The following DNAH3 variants were observed in gnomAD, a reference collection of about 807,000 sequenced individuals.
DNAH3 encodes dynein axonemal heavy chain 3.
A neutral mutation model predicts 432.5 loss-of-function variants in DNAH3; 332 were observed. The ratio of observed to expected loss-of-function variants is 0.77; its 90% CI spans 0.70 to 0.84. The LOEUF (loss-of-function observed/expected upper bound fraction) is 0.84. DNAH3 is among the 40% of genes least tolerant of loss of function. DNAH3 has a pLI of 0.00. For synonymous variants in DNAH3, 1,956 were observed against 1,900.2 expected (o/e 1.03, Z -0.76); for missense variants, 4,861 against 5,114.0 (o/e 0.95, Z 1.51).
chr16:20,975,023 G>T (rs2085521988), intron 51 of DNAH3, among the ~76,000 whole-genome samples: 1 of 136,804 alleles, frequency 7.3e-6, no homozygotes, highest in African/African-American at 2.8e-5. Context: ...TAGAGATGAG[G>T]TTTCTTTATG....
chr16:21,029,686 C>T (rs768514458), intron 37 of DNAH3, among the ~76,000 whole-genome samples: 1 of 152,212 alleles, frequency 6.6e-6, no homozygotes, highest in Non-Finnish European at 1.5e-5. Flanking sequence ...TATCACTCTA[C>T]TCTACTTATT....
intron 47 of DNAH3, among the ~76,000 whole-genome samples, chr16:20,986,043 T>C (rs1451783099): frequency 6.6e-6 from 1 of 151,892 alleles, no homozygotes; most frequent in Non-Finnish European, 1.5e-5. Flanking sequence ...TTTGTAGAGA[T>C]GGAGTTTCAT....
At chr16:20,982,623 A>G in intron 49 of DNAH3, 98 bp downstream of exon 49, 3 of 970,090 alleles carry the variant, frequency 3.1e-6, no homozygotes, top group Non-Finnish European at 4.5e-6. Flanking sequence ...TTTGCTATAT[A>G]CAAATTGAGA....
intron 41 of DNAH3, 151 bp downstream of exon 41, chr16:21,019,473 T>C: frequency 1.1e-6 from 1 of 877,166 alleles, no homozygotes; most frequent in Non-Finnish European, 1.7e-6. Context: ...GATGATATTT[T>C]AATTCTGTAA....
chr16:21,130,359 T>C (rs962367884), intron 7 of DNAH3, among the ~76,000 whole-genome samples: 4 of 148,764 alleles, frequency 2.7e-5, no homozygotes, highest in Admixed American at 1.4e-4. Context: ...CAGGCTGGAG[T>C]GCAGTGGCGA....
At chr16:21,107,173 A>G (rs1597389501) in intron 14 of DNAH3, among the ~76,000 whole-genome samples, 1 of 150,458 alleles carries the variant, frequency 6.6e-6, no homozygotes, top group Admixed American at 6.6e-5. Flanking sequence ...AGACCAAAAC[A>G]CCACCACCAC....
intron 53 of DNAH3, among the ~76,000 whole-genome samples, chr16:20,960,862 G>C (rs545520120): frequency 6.6e-6 from 1 of 152,362 alleles, no homozygotes; most frequent in East Asian, 1.9e-4. Flanking sequence ...TGAATTTGAG[G>C]AGTGTGAGTT....
intron 6 of DNAH3, among the ~76,000 whole-genome samples, chr16:21,136,009 T>C (rs1032450572): frequency 6.6e-6 from 1 of 152,120 alleles, no homozygotes; most frequent in African/African-American, 2.4e-5. Flanking sequence ...GAAGTGCTGG[T>C]GTAGACATCA....
At chr16:21,151,973 G>A (rs1487450576) in intron 1 of DNAH3, among the ~76,000 whole-genome samples, 1 of 152,032 alleles carries the variant, frequency 6.6e-6, no homozygotes, top group African/African-American at 2.4e-5. Flanking sequence ...GGTGGTTCAT[G>A]CCTGTAATCC....
In DNAH3 at chr16:20,982,916, T is replaced by C; in HGVS notation, c.7666-2A>G. 6.2e-7 allele frequency: 1 copy of C among 1,612,564 alleles called. No homozygotes were observed. On this transcript the variant is annotated splice_acceptor_variant, in intron 48 of 61. Transcript: ENST00000261383. LOFTEE classifies it high-confidence loss of function. ...TGAAAAGGAGATTTTGTTAATTACC[T>C]TCCTCCAAGGCAGGTGGACCCAAGG...
chr16:21,085,210 C>G (rs1401489590), intron 19 of DNAH3, among the ~76,000 whole-genome samples: 1 of 151,870 alleles, frequency 6.6e-6, no homozygotes, highest in African/African-American at 2.4e-5. Flanking sequence ...AAGACCCCCC[C>G]CATCTCTATT....
At chr16:21,037,701 A>T (rs1046735107) in intron 34 of DNAH3, 60 bp downstream of exon 34, 6 of 1,489,932 alleles carry the variant, frequency 4.0e-6, no homozygotes, top group Non-Finnish European at 4.6e-6. Flanking sequence ...ACCAAACACA[A>T]CATTTCATCT....
chr16:21,122,055 GT>G lies in DNAH3; in HGVS notation c.1473del (p.Lys491AsnfsTer21). Reference sequence around the variant, plus strand: ...ACAATAATGGGTTCACTGACTTCAAGTTTGATCATGATTAGCTGAGGTATGA... The same window carrying G: ...ACAATAATGGGTTCACTGACTTCAAGTTGATCATGATTAGCTGAGGTATGA... On this transcript the variant is annotated frameshift_variant, in exon 10 of 62. Transcript: ENST00000261383. LOFTEE classifies it high-confidence loss of function. 3 of 1,613,866 alleles carry G rather than the reference GT, an allele frequency of 1.9e-6. No individual in the cohort carries two copies. Among genetic ancestry groups the G allele is most frequent in the Non-Finnish European group, 2.5e-6 (3 of 1,179,882 alleles).
chr16:21,117,593 C>T (rs546135454), intron 11 of DNAH3, among the ~76,000 whole-genome samples: 1 of 152,280 alleles, frequency 6.6e-6, no homozygotes, highest in South Asian at 2.1e-4. Flanking sequence ...TCCCCCTTGT[C>T]CTGCTCACCG....
intron 1 of DNAH3, among the ~76,000 whole-genome samples, chr16:21,148,363 TAGGTAAC>T (rs1567876904): frequency 2.6e-5 from 4 of 152,164 alleles, no homozygotes; most frequent in African/African-American, 9.7e-5. Context: ...GGTGAGAAGA[TAGGTAAC>T]ACATCCTAGC....
At chr16:20,966,817 T>C (rs929176553) in intron 52 of DNAH3, among the ~76,000 whole-genome samples, 17 of 152,192 alleles carry the variant, frequency 1.1e-4, no homozygotes, top group Middle Eastern at 3.4e-3. Context: ...GCAAAGGTCT[T>C]GTGAGAATGA....
At chr16:21,028,229 A>G (rs2088672694) in intron 37 of DNAH3, among the ~76,000 whole-genome samples, 1 of 151,954 alleles carries the variant, frequency 6.6e-6, no homozygotes, top group South Asian at 2.1e-4. Context: ...TTTTTTGTAG[A>G]GACAGGATCT....
chr16:20,997,552 G>T, intron 43 of DNAH3, 90 bp from the exon 44 acceptor site: 1 of 1,439,372 alleles, frequency 6.9e-7, no homozygotes, highest in South Asian at 1.3e-5. Context: ...CCCTGTAGGG[G>T]AATCTGTTCC....
intron 1 of DNAH3, among the ~76,000 whole-genome samples, chr16:21,158,082 G>T (rs2092911870): frequency 6.6e-6 from 1 of 152,138 alleles, no homozygotes; most frequent in African/African-American, 2.4e-5. Context: ...GGGGAAACAG[G>T]GGCTCCTGCT....
Sources: gnomAD v4.1 joint callset for allele counts (sites outside exome capture counted in the v4.1 genomes callset) on GRCh38, gnomAD v4.1.1 for gene constraint, MANE v1.5 for transcripts, NCBI Gene and HGNC (gene_info 2026-07-23, HGNC 2026-07-21) for gene names.